The following ATXN1 variants were observed in gnomAD, a reference collection of about 807,000 sequenced individuals.
The protein encoded by ATXN1 is ataxin-1.
In ATXN1, 8 loss-of-function variants were observed where a neutral mutation model predicts 56.4. The ratio of observed to expected loss-of-function variants is 0.14; its 90% confidence interval spans 0.08 to 0.26. ATXN1 has a LOEUF of 0.26. ATXN1 is among the 10% of genes least tolerant of loss of function. ATXN1 has a pLI of 1.00. For synonymous variants in ATXN1, 514 were observed against 494.6 expected (o/e 1.04, Z -0.52); for missense variants, 987 against 1,106.5 (o/e 0.89, Z 1.53).
chr6:16,456,481 G>A lies in ATXN1; in HGVS notation c.-161+29491C>T, dbSNP rs1362677219. On this transcript the variant is annotated intron_variant, in intron 6 of 7. Transcript: ENST00000436367. ...GGAGTCAGGAGCATTGGTTTGCCTG[G>A]AACCAGCTTCTGCTTTTCCTGCACT... Among the ~76,000 whole-genome samples, 5 of 152,166 alleles carry A rather than the reference G, an allele frequency of 3.3e-5. 1 individual carries two copies. The highest frequency in any genetic ancestry group is 4.8e-5 in the African/African-American group (2 of 41,444).
intron 6 of ATXN1, among the ~76,000 whole-genome samples, chr6:16,415,869 C>G (rs943219286): frequency 6.6e-6 from 1 of 152,202 alleles, no homozygotes; most frequent in Non-Finnish European, 1.5e-5. Flanking sequence ...GAATGGGGCT[C>G]TGAGAGCTCC....
chr6:16,754,240 T>G (rs1045771280), intron 1 of ATXN1: 6 of 152,196 alleles, frequency 3.9e-5, no homozygotes, highest in African/African-American at 1.4e-4. Context: ...AGTAGCAGGG[T>G]TACTATAAAA....
chr6:16,418,709 TC>T (rs1758968014), intron 6 of ATXN1, among the ~76,000 whole-genome samples: 2 of 22,054 alleles, frequency 9.1e-5, no homozygotes, highest in African/African-American at 1.8e-4. Context: ...CCCTCCCCCC[TC>T]CCCCCTCCCC....
chr6:16,720,566 A>C (rs1360080267), intron 2 of ATXN1, among the ~76,000 whole-genome samples: 2 of 152,258 alleles, frequency 1.3e-5, no homozygotes, highest in African/African-American at 4.8e-5. Context: ...ATATGAGCTT[A>C]AGACATTCTC....
intron 7 of ATXN1, among the ~76,000 whole-genome samples, chr6:16,322,992 T>C (rs370087551): frequency 1.3e-5 from 2 of 152,320 alleles, no homozygotes; most frequent in African/African-American, 4.8e-5. Flanking sequence ...GCATGCAGCA[T>C]AGCCACGCGG....
chr6:16,449,908 T>C (rs929862888), intron 6 of ATXN1, among the ~76,000 whole-genome samples: 5 of 152,380 alleles, frequency 3.3e-5, no homozygotes, highest in Non-Finnish European at 5.9e-5. Context: ...TAAAGAAGAT[T>C]GCAGCTGTCA....
intron 2 of ATXN1, among the ~76,000 whole-genome samples, chr6:16,741,829 G>A (rs1047047241): frequency 2.6e-5 from 4 of 152,160 alleles, no homozygotes; most frequent in African/African-American, 9.7e-5. Flanking sequence ...CTCGCTGGGA[G>A]GAAAATTAAA....
intron 2 of ATXN1, chr6:16,736,725 C>G (rs1183564509): frequency 6.6e-6 from 1 of 152,162 alleles, no homozygotes; most frequent in African/African-American, 2.4e-5. Context: ...TTCCAGAGAG[C>G]AGAAATTCCT....
chr6:16,603,273 CTCCT>C (rs1762944194), intron 3 of ATXN1, among the ~76,000 whole-genome samples: 1 of 152,202 alleles, frequency 6.6e-6, no homozygotes, highest in Middle Eastern at 3.2e-3. Flanking sequence ...CCTGGCTTTT[CTCCT>C]TCCAAGAGGC....
At chr6:16,493,098 C>T (rs557222472) in intron 5 of ATXN1, among the ~76,000 whole-genome samples, 7 of 152,314 alleles carry the variant, frequency 4.6e-5, no homozygotes, top group African/African-American at 1.7e-4. Flanking sequence ...TCTCTCTAAA[C>T]CATTTGAGTC....
intron 6 of ATXN1, among the ~76,000 whole-genome samples, chr6:16,471,268 T>C (rs972154340): frequency 6.6e-6 from 1 of 152,056 alleles, no homozygotes; most frequent in Non-Finnish European, 1.5e-5. Context: ...ACAGGTCTTC[T>C]GCGAAATAAT....
chr6:16,493,641 G>A (rs1323119554), intron 5 of ATXN1, among the ~76,000 whole-genome samples: 7 of 152,022 alleles, frequency 4.6e-5, no homozygotes, highest in African/African-American at 7.2e-5. Flanking sequence ...CGGGGCTTTC[G>A]CAAATGATAA....
intron 4 of ATXN1, among the ~76,000 whole-genome samples, chr6:16,547,390 C>A (rs12529351): frequency 0.21 from 31,301 of 152,060 alleles, 3,475 homozygotes; most frequent in Non-Finnish European, 0.24. Context: ...TCATTTTTAA[C>A]ATCCACCGCC....
At chr6:16,619,701 A>G (rs1206688215) in intron 3 of ATXN1, among the ~76,000 whole-genome samples, 3 of 152,104 alleles carry the variant, frequency 2.0e-5, no homozygotes, top group Non-Finnish European at 4.4e-5. Flanking sequence ...CAGGGAAACA[A>G]TAAACAATTT....
At chr6:16,732,336 C>A (rs1461458574) in intron 2 of ATXN1, among the ~76,000 whole-genome samples, 1 of 152,022 alleles carries the variant, frequency 6.6e-6, no homozygotes, top group Non-Finnish European at 1.5e-5. Flanking sequence ...TTTAGGAGGC[C>A]GAGGCAGGTG....
At chr6:16,643,222 C>T (rs1763738739) in intron 3 of ATXN1, among the ~76,000 whole-genome samples, 1 of 149,262 alleles carries the variant, frequency 6.7e-6, no homozygotes, top group African/African-American at 2.5e-5. Context: ...CACTGCACTC[C>T]AGCCTGGCAA....
chr6:16,502,817 T>C (rs1006089890), intron 5 of ATXN1, among the ~76,000 whole-genome samples: 3 of 152,226 alleles, frequency 2.0e-5, no homozygotes, highest in Non-Finnish European at 4.4e-5. Flanking sequence ...CTGGGCAACA[T>C]TCTATTTAAG....
rs73370288 is a variant in ATXN1 at position 16,748,387 on chromosome 6, T to C, written c.-615+4846A>G. Among the ~76,000 whole-genome samples, 817 of 152,310 alleles carry C rather than the reference T, an allele frequency of 5.4e-3. 8 individuals are homozygous for C. The highest frequency in any genetic ancestry group is 0.019 in the African/African-American group (789 of 41,572). Reference sequence around the variant, plus strand: ...TTACTCCAAGCCATGCCTTGCCTTATGCACTCGACTGTAAGCTTCTTAAGG... The same window carrying C: ...TTACTCCAAGCCATGCCTTGCCTTACGCACTCGACTGTAAGCTTCTTAAGG... On this transcript the variant is annotated intron_variant, in intron 2 of 7. Coordinates refer to ENST00000436367, the MANE Select transcript of ATXN1 (RefSeq NM_001128164.2).
intron 6 of ATXN1, among the ~76,000 whole-genome samples, chr6:16,441,881 T>C (rs1198982822): frequency 2.0e-5 from 3 of 151,868 alleles, no homozygotes; most frequent in East Asian, 3.9e-4. Flanking sequence ...AAAAGGAACA[T>C]GAGCAAAGAA....
Sources: gnomAD v4.1 joint callset for allele counts (sites outside exome capture counted in the v4.1 genomes callset) on GRCh38, gnomAD v4.1.1 for gene constraint, MANE v1.5 for transcripts, NCBI Gene and HGNC (gene_info 2026-07-23, HGNC 2026-07-21) for gene names.